The following PIP5K1B variants were observed in gnomAD, a reference collection of about 807,000 sequenced individuals.
PIP5K1B encodes the protein phosphatidylinositol-4-phosphate 5-kinase type 1 beta, also known as phosphatidylinositol 4-phosphate 5-kinase type-1 beta.
In PIP5K1B, 42 loss-of-function variants were observed where a neutral mutation model predicts 67.0. The ratio of observed to expected loss-of-function variants is 0.63; its 90% CI spans 0.49 to 0.81. PIP5K1B has a LOEUF of 0.81. Ranked by LOEUF, PIP5K1B falls within the 30% of genes least tolerant of loss-of-function variation. The pLI, the probability that PIP5K1B is intolerant of heterozygous loss-of-function variation, is 0.00. For synonymous variants in PIP5K1B, 214 were observed against 231.4 expected (o/e 0.92, Z 0.68); for missense variants, 459 against 646.3 (o/e 0.71, Z 3.14).
rs568539341 is a variant in PIP5K1B at position 68,726,553 on chromosome 9, G to A, written c.-242-15948G>A. Among the ~76,000 whole-genome samples, 3 of 152,294 alleles carry A rather than the reference G, an allele frequency of 2.0e-5. No individual in the cohort carries two copies. The South Asian group carries it at 6.2e-4, about 32-fold the overall frequency. ...TTTCTGCTTTTAGAATCAGATTGTG[G>A]ACTAAGCATGGCAGACTTGGTTATG... On this transcript the variant is annotated intron_variant, in intron 1 of 15. Transcript: ENST00000265382.
chr9:68,876,778 A>T lies in PIP5K1B; in HGVS notation c.302A>T (p.Lys101Met). 1 of 1,521,294 alleles carries T rather than the reference A, an allele frequency of 6.6e-7. No individual in the cohort carries two copies. Among genetic ancestry groups the T allele is most frequent in the Non-Finnish European group, 9.1e-7 (1 of 1,095,128 alleles). The allele number at this position is 1,521,294 out of a possible 1,614,324, so 94.2% of individuals were successfully genotyped here. ...FRYFRELFGI[K>M]PDDYLYSICS... ...TATTTCAGAGAACTTTTTGGTATCA[A>T]GCCTGATGATTACTTGGTAAGAACC... Residue 101 changes from lysine to methionine, a missense_variant, in exon 6 of 16, where the codon AAG (lysine) becomes ATG (methionine). Around this residue, in one of 2 missense-constraint regions of PIP5K1B, gnomAD observed 290 missense variants for 474.4 expected, o/e 0.61. Coordinates refer to ENST00000265382, the MANE Select transcript of PIP5K1B (RefSeq NM_003558.4).
intron 14 of PIP5K1B, among the ~76,000 whole-genome samples, chr9:68,987,692 G>T (rs1243773482): frequency 1.3e-5 from 2 of 152,176 alleles, no homozygotes; most frequent in Non-Finnish European, 2.9e-5. Flanking sequence ...TGGACTCATA[G>T]TTCCATGTGG....
chr9:68,981,975 T>C (rs1483535433), intron 14 of PIP5K1B, among the ~76,000 whole-genome samples: 1 of 152,116 alleles, frequency 6.6e-6, no homozygotes, highest in African/African-American at 2.4e-5. Flanking sequence ...ACTGGCAGTT[T>C]CTGTGTTTTT....
chr9:68,967,237 C>T (rs542150533), intron 14 of PIP5K1B, among the ~76,000 whole-genome samples: 1 of 152,244 alleles, frequency 6.6e-6, no homozygotes, highest in Non-Finnish European at 1.5e-5. Context: ...TTGTGGGGAC[C>T]TTTATGCAAC....
chr9:68,964,942 A>G (rs1828942682), intron 14 of PIP5K1B, among the ~76,000 whole-genome samples: 1 of 152,254 alleles, frequency 6.6e-6, no homozygotes, highest in African/African-American at 2.4e-5. Context: ...CCTTATGAGC[A>G]AAGTGAAACC....
At chr9:68,989,732 C>A (rs953869716) in intron 14 of PIP5K1B, among the ~76,000 whole-genome samples, 1 of 152,090 alleles carries the variant, frequency 6.6e-6, no homozygotes, top group Admixed American at 6.6e-5. Context: ...GTATTTCTGG[C>A]ACTTTGGGAG....
intron 4 of PIP5K1B, among the ~76,000 whole-genome samples, chr9:68,827,933 T>C (rs1181775103): frequency 6.6e-6 from 1 of 152,158 alleles, no homozygotes; most frequent in Non-Finnish European, 1.5e-5. Context: ...CTGTTTTATA[T>C]GTGAAGAAAT....
chr9:68,852,715 C>T (rs1822554625), intron 4 of PIP5K1B, among the ~76,000 whole-genome samples: 1 of 152,138 alleles, frequency 6.6e-6, no homozygotes, highest in Non-Finnish European at 1.5e-5. Flanking sequence ...TGGATATTCT[C>T]TCACTTCTCC....
intron 12 of PIP5K1B, among the ~76,000 whole-genome samples, chr9:68,924,401 C>CGAAAAA (rs1341716504): frequency 5.8e-5 from 5 of 86,764 alleles, no homozygotes; most frequent in Admixed American, 1.4e-4. Context: ...CACTGCGCCT[C>CGAAAAA]AAAAAAAAAA....
intron 2 of PIP5K1B, among the ~76,000 whole-genome samples, chr9:68,814,789 C>G (rs1012097541): frequency 6.6e-6 from 1 of 152,234 alleles, no homozygotes; most frequent in African/African-American, 2.4e-5. Flanking sequence ...CACTTCACTC[C>G]AGCCTGAGCA....
Position 68,908,335 on chromosome 9 carries a change from G to A in PIP5K1B, c.772-9213G>A, listed in dbSNP as rs115261719. Among the ~76,000 whole-genome samples the A allele has an allele frequency of 5.7e-3, 855 of 151,270 alleles. 10 individuals carry two copies. The highest frequency in any genetic ancestry group is 0.02 in the African/African-American group (817 of 41,220). On this transcript the variant is annotated intron_variant, in intron 8 of 15. Transcript: ENST00000265382. The stretch of plus-strand genomic sequence containing the variant: ...AATTCATCCAGCATAGGAAGCTGGT[G>A]AATATATATATATATATACATACAC...
chr9:68,751,875 G>T (rs1332987176), intron 2 of PIP5K1B, among the ~76,000 whole-genome samples: 4 of 152,160 alleles, frequency 2.6e-5, no homozygotes, highest in Non-Finnish European at 4.4e-5. Context: ...TTAGTTTTAT[G>T]TTATATGAAT....
intron 1 of PIP5K1B, among the ~76,000 whole-genome samples, chr9:68,718,156 A>G (rs900954244): frequency 1.3e-5 from 2 of 152,202 alleles, no homozygotes; most frequent in South Asian, 2.1e-4. Context: ...AACCCCCTAA[A>G]GACTCCCCTT....
chr9:68,880,226 C>A (rs74994087), intron 6 of PIP5K1B, among the ~76,000 whole-genome samples: 1 of 152,128 alleles, frequency 6.6e-6, no homozygotes, highest in Non-Finnish European at 1.5e-5. Flanking sequence ...TTTCACAATT[C>A]TTTTCGCTTT....
At chr9:68,729,421 T>C (rs1402857383) in intron 1 of PIP5K1B, among the ~76,000 whole-genome samples, 1 of 152,286 alleles carries the variant, frequency 6.6e-6, no homozygotes, top group East Asian at 1.9e-4. Flanking sequence ...AAAAAAGCTC[T>C]AGTCTAATTG....
intron 8 of PIP5K1B, among the ~76,000 whole-genome samples, chr9:68,907,890 C>T (rs544392893): frequency 5.9e-5 from 9 of 152,330 alleles, no homozygotes; most frequent in African/African-American, 1.2e-4. Flanking sequence ...TTATTTATCA[C>T]GGACAGATTC....
intron 2 of PIP5K1B, among the ~76,000 whole-genome samples, chr9:68,803,115 A>G (rs1832690959): frequency 6.6e-6 from 1 of 152,112 alleles, no homozygotes; most frequent in African/African-American, 2.4e-5. Context: ...TGTGGGGAGG[A>G]TGTATTGAGG....
intron 8 of PIP5K1B, among the ~76,000 whole-genome samples, chr9:68,914,508 G>A (rs1402263233): frequency 1.3e-5 from 2 of 152,188 alleles, no homozygotes; most frequent in Non-Finnish European, 1.5e-5. Flanking sequence ...GAGGTCGGGA[G>A]ATTGAGACCT....
chr9:68,834,950 C>T (rs1252830422), intron 4 of PIP5K1B, among the ~76,000 whole-genome samples: 1 of 152,214 alleles, frequency 6.6e-6, no homozygotes, highest in Non-Finnish European at 1.5e-5. Context: ...TTTTCCAACA[C>T]TGTCACTTAA....
Sources: allele counts gnomAD v4.1 joint callset (sites outside exome capture counted in the v4.1 genomes callset), GRCh38; gene constraint gnomAD v4.1.1; regional missense constraint gnomAD v4.1.1; transcripts MANE v1.5; gene names NCBI Gene and HGNC (gene_info 2026-07-23, HGNC 2026-07-21).